The following ECE1 variants were observed in gnomAD, a reference collection of about 807,000 sequenced individuals.
The protein encoded by ECE1 is endothelin converting enzyme 1.
In ECE1, 35 loss-of-function variants were observed where a neutral mutation model predicts 98.6. The ratio of observed to expected loss-of-function variants is 0.35; its 90% CI spans 0.27 to 0.47. The LOEUF is 0.47. Among genes scored for constraint, ECE1 ranks in the 20% least tolerant of loss-of-function variants. ECE1 has a pLI of 1.00. For missense variants in ECE1, 814 were observed against 1,025.3 expected (o/e 0.79, Z 2.81); for synonymous variants, 394 against 407.1 (o/e 0.97, Z 0.39).
intron 2 of ECE1, among the ~76,000 whole-genome samples, chr1:21,282,587 TG>T (rs2098256016): frequency 1.1e-5 from 1 of 92,310 alleles, no homozygotes; most frequent in Admixed American, 9.9e-5. Context: ...GACGCTGTCT[TG>T]AAAAAAAAAA....
At chr1:21,299,125 T>A in intron 1 of ECE1, 1 of 311,494 alleles carries the variant, frequency 3.2e-6, no homozygotes. Flanking sequence ...TGATATGGTA[T>A]AATGGTGATG....
chr1:21,229,613 T>G (rs1234565723), intron 14 of ECE1, among the ~76,000 whole-genome samples: 1 of 152,206 alleles, frequency 6.6e-6, no homozygotes, highest in Non-Finnish European at 1.5e-5. Flanking sequence ...AATTAAAATT[T>G]TGAAAAACTT....
At chr1:21,300,914 G>C (rs1374267601) in intron 1 of ECE1, among the ~76,000 whole-genome samples, 1 of 152,164 alleles carries the variant, frequency 6.6e-6, no homozygotes, top group Non-Finnish European at 1.5e-5. Context: ...GCTTTGTATA[G>C]TGCCTGGTAC....
intron 3 of ECE1, among the ~76,000 whole-genome samples, chr1:21,276,064 GCT>G (rs1258340281): frequency 1.5e-5 from 1 of 65,472 alleles, no homozygotes; most frequent in Admixed American, 2.5e-4. Flanking sequence ...CAGAGTTTTT[GCT>G]CTGTCACCCA....
chr1:21,311,229 C>G (rs984046287), intron 1 of ECE1, among the ~76,000 whole-genome samples: 1 of 152,184 alleles, frequency 6.6e-6, no homozygotes, highest in African/African-American at 2.4e-5. Context: ...ACCACAGGGC[C>G]TGCAGGGTCA....
At chr1:21,311,710 G>A (rs2103391126) in intron 1 of ECE1, among the ~76,000 whole-genome samples, 1 of 152,154 alleles carries the variant, frequency 6.6e-6, no homozygotes, top group African/African-American at 2.4e-5. Context: ...AGCTACTCAG[G>A]AGGCTGAGGT....
chr1:21,245,031 G>T lies in ECE1; in HGVS notation c.1236C>A (p.Asp412Glu). ...TSSFLDQRFQ[D>E]ADEKFMEVMY... ...TGACTTCCATGAACTTCTCATCGGC[G>T]TCCTGAAAGCGCTGGTCAAGGAAGG... The change falls in exon 10 of 19, where the codon GAC (aspartate) becomes GAA (glutamate). Residue 412 changes from aspartate to glutamate, a missense_variant. Asp to Glu is a conservative substitution (Grantham distance 45, BLOSUM62 2). Transcript: ENST00000374893. The T allele has an allele frequency of 6.2e-7, 1 of 1,614,196 alleles. No individual in the cohort carries two copies. Among genetic ancestry groups the T allele is most frequent in the Non-Finnish European group, 8.5e-7 (1 of 1,180,034 alleles).
intron 10 of ECE1, among the ~76,000 whole-genome samples, chr1:21,244,399 C>T (rs576852999): frequency 2.4e-4 from 37 of 152,226 alleles, no homozygotes; most frequent in Admixed American, 1.4e-3. Flanking sequence ...AACCATTAGT[C>T]GGCTGCATGA....
chr1:21,343,770 G>T (rs112116662), intron 1 of ECE1, among the ~76,000 whole-genome samples: 3 of 152,304 alleles, frequency 2.0e-5, no homozygotes, highest in African/African-American at 7.2e-5. Flanking sequence ...CAGTTGTAAG[G>T]ATCTATAAAG....
chr1:21,292,318 C>T (rs899420346), upstream of ECE1, among the ~76,000 whole-genome samples: 1 of 150,678 alleles, frequency 6.6e-6, no homozygotes, highest in Non-Finnish European at 1.5e-5. Flanking sequence ...CCACCAACCT[C>T]CTCACACAAC....
chr1:21,285,075 A>G (rs536403752), intron 2 of ECE1, among the ~76,000 whole-genome samples: 153 of 152,312 alleles, frequency 1.0e-3, no homozygotes, highest in African/African-American at 3.5e-3. Flanking sequence ...GGGTCAGTCC[A>G]GAGCAAAATT....
chr1:21,223,303 T>C (rs917957657), intron 17 of ECE1, among the ~76,000 whole-genome samples: 1 of 151,370 alleles, frequency 6.6e-6, no homozygotes, highest in African/African-American at 2.4e-5. Flanking sequence ...TTATTTATTT[T>C]TTTGAAACAG....
intron 14 of ECE1, among the ~76,000 whole-genome samples, chr1:21,231,487 G>A (rs1162981984): frequency 6.6e-6 from 1 of 152,090 alleles, no homozygotes; most frequent in Non-Finnish European, 1.5e-5. Context: ...GATTACAGGT[G>A]TCTACCACCA....
In ECE1 at chr1:21,279,263, C is replaced by T. The variant is rs756290898; in HGVS notation, c.208G>A (p.Val70Met). 1.9e-6 allele frequency: 3 copies of T among 1,614,246 alleles called. No individual in the cohort carries two copies. The highest frequency in any genetic ancestry group is 1.6e-4 in the Middle Eastern group (1 of 6,062). ...GCCGCCAGAAGTACCACCAACACCA[C>T]CAGCCGCTTCTCCACCTGGGTCCGT... Reference protein sequence around the residue: ...AARTQVEKRLVVLVVLLAAGL... With the variant: ...AARTQVEKRLMVLVVLLAAGL... The change falls in exon 3 of 19, where the codon GTG becomes ATG. Residue 70 changes from valine (V) to methionine (M), a missense_variant. This residue lies in a region of ECE1 where 257 missense variants were observed against 278.9 expected (regional missense o/e 0.92). Coordinates refer to ENST00000374893, the MANE Select transcript of ECE1 (RefSeq NM_001397.3).
chr1:21,312,682 T>C (rs1235483602), intron 1 of ECE1, among the ~76,000 whole-genome samples: 1 of 152,094 alleles, frequency 6.6e-6, no homozygotes, highest in African/African-American at 2.4e-5. Context: ...CCATGTGCTG[T>C]CCTGTCACTG....
chr1:21,334,015 A>C (rs968124348), intron 1 of ECE1, among the ~76,000 whole-genome samples: 2 of 152,204 alleles, frequency 1.3e-5, no homozygotes, highest in Non-Finnish European at 2.9e-5. Context: ...CGAGGCTCAG[A>C]GATGGTCACT....
At chr1:21,302,279 C>T (rs537488598) in intron 1 of ECE1, among the ~76,000 whole-genome samples, 3 of 152,364 alleles carry the variant, frequency 2.0e-5, no homozygotes, top group East Asian at 3.9e-4. Context: ...CCAGGCCCCA[C>T]ACCAAGCCCC....
At chr1:21,256,618 GTC>G (rs2098220337) in intron 7 of ECE1, 2 of 152,332 alleles carry the variant, frequency 1.3e-5, no homozygotes, top group South Asian at 4.1e-4. Flanking sequence ...TCGGGGCCGT[GTC>G]TCTCTGCTGC....
chr1:21,286,645 G>GGTT (rs1413509479), intron 2 of ECE1, among the ~76,000 whole-genome samples: 1 of 152,134 alleles, frequency 6.6e-6, no homozygotes, highest in Non-Finnish European at 1.5e-5. Flanking sequence ...TAAAGAAAAA[G>GGTT]AACAGGTTAG....
Sources: allele counts gnomAD v4.1 joint callset (sites outside exome capture counted in the v4.1 genomes callset), GRCh38; gene constraint gnomAD v4.1.1; regional missense constraint gnomAD v4.1.1; transcripts MANE v1.5; gene names NCBI Gene and HGNC (gene_info 2026-07-23, HGNC 2026-07-21).